TRAT1: variants seen among roughly 807,000 people sequenced by gnomAD.
The protein encoded by TRAT1 is T cell receptor associated transmembrane adaptor 1.
In TRAT1, 20 loss-of-function variants were observed where a neutral mutation model predicts 20.0. That is an observed-to-expected ratio of 1.00 (90% confidence interval 0.70 to 1.45). The LOEUF is 1.45. Among genes scored for constraint, TRAT1 ranks in the 40% most tolerant of loss-of-function variants. The pLI, the probability that TRAT1 is intolerant of heterozygous loss-of-function variation, is 0.00. For missense variants in TRAT1, 237 were observed against 224.1 expected (o/e 1.06, Z -0.37); for synonymous variants, 77 against 74.2 (o/e 1.04, Z -0.20).
At chr3:108,823,034 A>T (rs759304678) in intron 1 of TRAT1, 100 bp downstream of exon 1, 1 of 1,032,722 alleles carries the variant, frequency 9.7e-7, no homozygotes, top group African/African-American at 1.6e-5. Flanking sequence ...GAAAGTAGTT[A>T]TTTTAAAAAT....
chr3:108,830,820 ATGGAGAC>A, intron 2 of TRAT1, 40 bp downstream of exon 2: 1 of 1,229,548 alleles, frequency 8.1e-7, no homozygotes, highest in Non-Finnish European at 1.2e-6. Flanking sequence ...ACCTGCTTGA[ATGGAGAC>A]TATGGAGTCA....
intron 2 of TRAT1, among the ~76,000 whole-genome samples, chr3:108,835,061 C>T (rs1054998678): frequency 7.2e-5 from 11 of 152,266 alleles, no homozygotes; most frequent in Admixed American, 2.6e-4. Context: ...GATAAACAAG[C>T]GTATGGTTTG....
At chr3:108,844,348 C>A (rs1394417787) in intron 3 of TRAT1, among the ~76,000 whole-genome samples, 1 of 149,338 alleles carries the variant, frequency 6.7e-6, no homozygotes, top group Admixed American at 6.6e-5. Context: ...GACGGAGTCT[C>A]GCTCTGACTC....
intron 2 of TRAT1, among the ~76,000 whole-genome samples, chr3:108,832,000 T>C (rs1031392922): frequency 2.0e-5 from 3 of 152,218 alleles, no homozygotes; most frequent in Admixed American, 2.0e-4. Flanking sequence ...AAAAATGTCA[T>C]AGAGCTAATT....
At chr3:108,853,582 C>T in intron 5 of TRAT1, 38 bp from the exon 6 acceptor site, 2 of 1,589,384 alleles carry the variant, frequency 1.3e-6, no homozygotes, top group South Asian at 2.3e-5. Context: ...AGCTAAAGAA[C>T]AGACTAACAA....
In TRAT1 at chr3:108,847,086, T is replaced by G. The variant is rs199848594; in HGVS notation, c.171T>G (p.Ile57Met). Residue 57 changes from isoleucine (I) to methionine (M), a missense_variant, in exon 4 of 6, where the codon ATT (isoleucine) becomes ATG (methionine). By Grantham distance (10) the Ile-to-Met change is conservative. Transcript: ENST00000295756. ...SDHTRVDEYY[I>M]EDTPIYGNLD... Reference sequence around the variant, plus strand: ...GTTATAGGGTTGATGAGTATTATATTGAAGACACACCAATTTATGGTAACT... The same window carrying G: ...GTTATAGGGTTGATGAGTATTATATGGAAGACACACCAATTTATGGTAACT... 214 of 1,540,708 alleles carry G rather than the reference T, an allele frequency of 1.4e-4. No homozygotes were observed. Among genetic ancestry groups the G allele is most frequent in the Non-Finnish European group, 1.0e-4 (117 of 1,122,536 alleles).
intron 2 of TRAT1, among the ~76,000 whole-genome samples, chr3:108,832,136 G>A (rs923535846): frequency 2.6e-5 from 4 of 152,020 alleles, no homozygotes; most frequent in African/African-American, 9.7e-5. Flanking sequence ...AAGATGAGAG[G>A]TACTCGAAAA....
intron 3 of TRAT1, among the ~76,000 whole-genome samples, chr3:108,844,845 A>G (rs1169842541): frequency 7.3e-6 from 1 of 136,462 alleles, no homozygotes; most frequent in Non-Finnish European, 1.6e-5. Flanking sequence ...CTCTGTCTCA[A>G]AAAAAAAAAA....
intron 3 of TRAT1, among the ~76,000 whole-genome samples, chr3:108,839,896 T>A (rs1945877696): frequency 6.6e-6 from 1 of 152,092 alleles, no homozygotes. Context: ...AAATTTTACT[T>A]TTTTTGTATA....
intron 3 of TRAT1, among the ~76,000 whole-genome samples, chr3:108,846,732 A>T (rs1286895363): frequency 6.6e-6 from 1 of 152,194 alleles, no homozygotes; most frequent in African/African-American, 2.4e-5. Context: ...ATGATATAGT[A>T]CCTATGTTGG....
At chr3:108,852,042 T>C (rs556576455) in intron 5 of TRAT1, among the ~76,000 whole-genome samples, 1 of 152,164 alleles carries the variant, frequency 6.6e-6, no homozygotes, top group Admixed American at 6.5e-5. Flanking sequence ...AAATGAGGAT[T>C]TTAAGACTAA....
In TRAT1 at chr3:108,822,901, A is replaced by G; in HGVS notation, c.-27A>G. 3 of 1,606,406 alleles carry G rather than the reference A, an allele frequency of 1.9e-6. No individual in the cohort carries two copies. Among genetic ancestry groups the G allele is most frequent in the Non-Finnish European group, 2.6e-6 (3 of 1,173,912 alleles). ...ATCCATATATTTGTCTTATGGCTAGATAAAGATTTCTCTGAAAAAAAGAAG... is the reference window on the plus strand; with the variant it reads ...ATCCATATATTTGTCTTATGGCTAGGTAAAGATTTCTCTGAAAAAAAGAAG... On this transcript the variant is annotated 5_prime_UTR_variant, in exon 1 of 6. Coordinates refer to ENST00000295756, the MANE Select transcript of TRAT1 (RefSeq NM_016388.4).
chr3:108,829,604 C>CACAG (rs1945772672), intron 1 of TRAT1, among the ~76,000 whole-genome samples: 2 of 151,870 alleles, frequency 1.3e-5, no homozygotes, highest in African/African-American at 2.4e-5. Flanking sequence ...CACACACACA[C>CACAG]ACACACACAC....
intron 1 of TRAT1, among the ~76,000 whole-genome samples, chr3:108,830,293 A>G (rs1368239144): frequency 6.6e-6 from 1 of 152,244 alleles, no homozygotes; most frequent in Non-Finnish European, 1.5e-5. Flanking sequence ...GTGTATGATT[A>G]CAGTCTGAGG....
At chr3:108,830,288 T>C (rs917073850) in intron 1 of TRAT1, among the ~76,000 whole-genome samples, 1 of 152,210 alleles carries the variant, frequency 6.6e-6, no homozygotes, top group African/African-American at 2.4e-5. Context: ...AAAGCGTGTA[T>C]GATTACAGTC....
intron 3 of TRAT1, among the ~76,000 whole-genome samples, chr3:108,845,055 A>G (rs1235826150): frequency 3.3e-5 from 5 of 152,166 alleles, no homozygotes; most frequent in Admixed American, 6.5e-5. Context: ...AGCCTCTCAG[A>G]TATGAGTTCA....
intron 5 of TRAT1, among the ~76,000 whole-genome samples, chr3:108,851,715 C>A (rs2107516884): frequency 6.6e-6 from 1 of 150,734 alleles, no homozygotes; most frequent in East Asian, 1.9e-4. Context: ...GTTTTGATTT[C>A]TTTGGATAGA....
intron 1 of TRAT1, among the ~76,000 whole-genome samples, chr3:108,827,362 G>A (rs1945750060): frequency 6.8e-6 from 1 of 147,844 alleles, no homozygotes; most frequent in African/African-American, 2.5e-5. Flanking sequence ...ACTGGGTAAG[G>A]GGAGGTATAA....
chr3:108,852,899 C>T (rs534742861), intron 5 of TRAT1, among the ~76,000 whole-genome samples: 36 of 152,308 alleles, frequency 2.4e-4, no homozygotes, highest in African/African-American at 8.2e-4. Context: ...TTGCCTTTAG[C>T]ATGTTGCTTC....
Sources: allele counts gnomAD v4.1 joint callset (sites outside exome capture counted in the v4.1 genomes callset), GRCh38; gene constraint gnomAD v4.1.1; transcripts MANE v1.5; gene names NCBI Gene and HGNC (gene_info 2026-07-23, HGNC 2026-07-21).